Variants in RIT2 observed in about 807,000 individuals in gnomAD.
The protein encoded by RIT2 is Ras like without CAAX 2, also known as GTP-binding protein Rit2.
Under a neutral mutation model 23.7 loss-of-function variants are expected in RIT2, and 24 were observed. That is an observed-to-expected ratio of 1.01 (90% CI 0.73 to 1.43). RIT2 has a LOEUF of 1.43. Among genes scored for constraint, RIT2 ranks in the 40% most tolerant of loss-of-function variants. RIT2 has a pLI of 0.00. For synonymous variants in RIT2, 107 were observed against 91.1 expected (o/e 1.17, Z -0.99); for missense variants, 236 against 266.9 (o/e 0.88, Z 0.81).
chr18:43,026,733 G>C (rs1911741525), intron 2 of RIT2, among the ~76,000 whole-genome samples: 1 of 151,398 alleles, frequency 6.6e-6, no homozygotes, highest in African/African-American at 2.4e-5. Context: ...GGGAATTTAG[G>C]AATGTCTATT....
At chr18:42,839,870 C>A (rs1232657456) in intron 4 of RIT2, among the ~76,000 whole-genome samples, 1 of 152,124 alleles carries the variant, frequency 6.6e-6, no homozygotes, top group Non-Finnish European at 1.5e-5. Context: ...GGAAGCCATT[C>A]CACTCTATGT....
chr18:42,946,659 G>A (rs1909734378), intron 3 of RIT2, among the ~76,000 whole-genome samples: 1 of 151,860 alleles, frequency 6.6e-6, no homozygotes, highest in African/African-American at 2.4e-5. Flanking sequence ...CTTGTTAAGG[G>A]TGCTATGAAA....
chr18:42,843,350 T>A (rs1023417556), intron 4 of RIT2, among the ~76,000 whole-genome samples: 35 of 152,314 alleles, frequency 2.3e-4, no homozygotes, highest in African/African-American at 7.9e-4. Context: ...TCTAGGTATC[T>A]CTTATAATTT....
chr18:42,900,389 C>A (rs1044450914), intron 4 of RIT2, among the ~76,000 whole-genome samples: 1 of 152,028 alleles, frequency 6.6e-6, no homozygotes, highest in Admixed American at 6.6e-5. Context: ...CCATGACAGG[C>A]AGACGCAGTC....
intron 2 of RIT2, among the ~76,000 whole-genome samples, chr18:42,992,711 A>G (rs892443297): frequency 4.6e-5 from 7 of 152,152 alleles, no homozygotes; most frequent in African/African-American, 1.7e-4. Flanking sequence ...GGCTGGAGCT[A>G]AAGGTATAGT....
intron 4 of RIT2, 156 bp downstream of exon 4, chr18:42,923,416 C>T (rs1909100934): frequency 2.8e-6 from 2 of 713,880 alleles, no homozygotes; most frequent in South Asian, 1.8e-5. Flanking sequence ...TGGAGGCCAA[C>T]ACAATTTACC....
intron 4 of RIT2, among the ~76,000 whole-genome samples, chr18:42,879,428 A>G (rs1376485677): frequency 6.6e-6 from 1 of 152,120 alleles, no homozygotes; most frequent in Non-Finnish European, 1.5e-5. Context: ...AGAGTTTTTA[A>G]GGCATTGCTT....
chr18:42,889,217 C>T (rs1427073187), intron 4 of RIT2, among the ~76,000 whole-genome samples: 4 of 151,818 alleles, frequency 2.6e-5, no homozygotes, highest in African/African-American at 4.8e-5. Context: ...TAAAAACCAC[C>T]CAGGCTATCC....
intron 4 of RIT2, among the ~76,000 whole-genome samples, chr18:42,882,698 C>T (rs1331830125): frequency 1.3e-5 from 2 of 152,154 alleles, no homozygotes; most frequent in African/African-American, 2.4e-5. Context: ...CATTGATTTC[C>T]ACTTCTGACA....
In RIT2 at chr18:43,017,083, T is replaced by C. The variant is rs182974218; in HGVS notation, c.160+16728A>G. ...AAATATATGGCACTAGGTAAATGTG[T>C]CTAAATTACACTAAATCATTGAAAG... On this transcript the variant is annotated intron_variant, in intron 2 of 4. Transcript: ENST00000326695. 4.6e-5 allele frequency among the ~76,000 whole-genome samples: 7 copies of C among 152,054 alleles called. 1 individual carries two copies. Among genetic ancestry groups the C allele is most frequent in the Non-Finnish European group, 1.0e-4 (7 of 67,928 alleles).
intron 4 of RIT2, among the ~76,000 whole-genome samples, chr18:42,904,197 A>G (rs910801441): frequency 1.3e-5 from 2 of 152,194 alleles, no homozygotes; most frequent in Non-Finnish European, 2.9e-5. Context: ...TCTATATTGC[A>G]TCATAAACCA....
chr18:42,828,799 A>G (rs1442355832), intron 4 of RIT2, among the ~76,000 whole-genome samples: 1 of 152,232 alleles, frequency 6.6e-6, no homozygotes, highest in Non-Finnish European at 1.5e-5. Context: ...ACTCAGCCTT[A>G]TCATGCTTCT....
chr18:42,915,502 C>T (rs1366656693), intron 4 of RIT2, among the ~76,000 whole-genome samples: 4 of 152,034 alleles, frequency 2.6e-5, no homozygotes, highest in Non-Finnish European at 5.9e-5. Context: ...AAGAAACAAG[C>T]TTATTTCCCG....
intron 4 of RIT2, among the ~76,000 whole-genome samples, chr18:42,852,181 A>G (rs889419986): frequency 6.6e-6 from 1 of 152,240 alleles, no homozygotes; most frequent in Non-Finnish European, 1.5e-5. Context: ...GCCTTAACAC[A>G]ATAAAATGGT....
chr18:42,905,850 T>G (rs943965142), intron 4 of RIT2, among the ~76,000 whole-genome samples: 72 of 149,340 alleles, frequency 4.8e-4, no homozygotes, highest in African/African-American at 1.7e-3. Flanking sequence ...ACTGATGAGA[T>G]AAAACAGAGT....
At chr18:42,919,368 C>A (rs917991751) in intron 4 of RIT2, among the ~76,000 whole-genome samples, 10 of 152,072 alleles carry the variant, frequency 6.6e-5, no homozygotes. Context: ...AATTAAGCTG[C>A]AATTACACTG....
intron 2 of RIT2, among the ~76,000 whole-genome samples, chr18:42,990,009 ATGTGTGTGTGTGTG>A (rs5824463): frequency 8.7e-5 from 13 of 148,900 alleles, no homozygotes; most frequent in African/African-American, 2.5e-4. Context: ...ATTTACAGAT[ATGTGTGTGTGTGTG>A]TGTGTGTGTG....
rs140593847 is a variant in RIT2 at position 43,115,491 on chromosome 18, G to T, written c.29C>A (p.Ser10Tyr). ...GGACCCGCCTGATGCGCTGCCCGGG[G>T]AGCAGCTGGCTTCATTTTCTACCTC... The part of the protein sequence containing the change: MEVENEASC[S>Y]PGSASGGSRE... The change falls in exon 1 of 5, where the codon TCC (serine) becomes TAC (tyrosine). Residue 10 changes from serine (S) to tyrosine (Y), a missense_variant. Physicochemically the swap from Ser to Tyr is moderately radical, Grantham distance 144. Transcript: ENST00000326695. 144 of 1,613,182 alleles carry T rather than the reference G, an allele frequency of 8.9e-5. No homozygotes were observed. Among genetic ancestry groups the T allele is most frequent in the Non-Finnish European group, 1.1e-4 (132 of 1,179,702 alleles).
intron 3 of RIT2, among the ~76,000 whole-genome samples, chr18:42,962,458 G>A (rs1490930959): frequency 6.6e-6 from 1 of 152,148 alleles, no homozygotes; most frequent in Non-Finnish European, 1.5e-5. Flanking sequence ...TTTGAAACTT[G>A]AATTGATTCA....
Sources: allele counts gnomAD v4.1 joint callset (sites outside exome capture counted in the v4.1 genomes callset), GRCh38; gene constraint gnomAD v4.1.1; transcripts MANE v1.5; gene names NCBI Gene and HGNC (gene_info 2026-07-23, HGNC 2026-07-21).